CENPP: variants seen among roughly 807,000 people sequenced by gnomAD.
CENPP encodes centromere protein P.
In CENPP, 24 loss-of-function variants were observed where a neutral mutation model predicts 35.6. That is an observed-to-expected ratio of 0.67 (90% CI 0.49 to 0.95). CENPP has a LOEUF of 0.95. Among genes scored for constraint, CENPP ranks in the 40% least tolerant of loss-of-function variants. The pLI, the probability that CENPP is intolerant of heterozygous loss-of-function variation, is 0.00. For missense variants in CENPP, 332 were observed against 345.3 expected (o/e 0.96, Z 0.31); for synonymous variants, 120 against 125.5 (o/e 0.96, Z 0.29).
chr9:92,480,224 A>T (rs533263590), intron 5 of CENPP, among the ~76,000 whole-genome samples: 3 of 152,348 alleles, frequency 2.0e-5, no homozygotes, highest in African/African-American at 7.2e-5. Flanking sequence ...AGTCTCTCTT[A>T]ATCAGAGTAG....
chr9:92,443,632 A>T (rs1213801653), intron 5 of CENPP, among the ~76,000 whole-genome samples: 1 of 151,282 alleles, frequency 6.6e-6, no homozygotes, highest in Non-Finnish European at 1.5e-5. Flanking sequence ...AGATAAAACA[A>T]CAAAGAGGAC....
chr9:92,502,629 T>G (rs1846750798), intron 5 of CENPP: 1 of 1,595,934 alleles, frequency 6.3e-7, no homozygotes, highest in Non-Finnish European at 8.6e-7. Context: ...TTTCTTCAAT[T>G]TGGTTATTTT....
At chr9:92,453,387 A>C (rs1003586700) in intron 5 of CENPP, among the ~76,000 whole-genome samples, 2 of 152,190 alleles carry the variant, frequency 1.3e-5, no homozygotes, top group Non-Finnish European at 2.9e-5. Context: ...CAGGTTGTTC[A>C]GTTTCCATGT....
intron 5 of CENPP, among the ~76,000 whole-genome samples, chr9:92,438,094 C>T (rs1248092349): frequency 6.6e-6 from 1 of 152,240 alleles, no homozygotes; most frequent in East Asian, 1.9e-4. Flanking sequence ...AGATGTCAGC[C>T]ACTGCACTGG....
chr9:92,531,312 T>C (rs1848734275), intron 5 of CENPP, among the ~76,000 whole-genome samples: 1 of 152,182 alleles, frequency 6.6e-6, no homozygotes, highest in Non-Finnish European at 1.5e-5. Context: ...CCTTGACTTA[T>C]CAAAGTCTTA....
At chr9:92,387,127 C>CTT (rs1184008786) in intron 5 of CENPP, among the ~76,000 whole-genome samples, 1 of 147,768 alleles carries the variant, frequency 6.8e-6, no homozygotes, top group Non-Finnish European at 1.5e-5. Flanking sequence ...AATCCCAGTA[C>CTT]TTTGAGAGGT....
rs145295181 is a variant in CENPP, at chr9:92,519,589, G to A, written c.565-91725G>A. Among the ~76,000 whole-genome samples the A allele has an allele frequency of 6.8e-4, 103 of 152,296 alleles. 1 individual carries two copies. Among genetic ancestry groups the A allele is most frequent in the Admixed American group, 1.7e-3 (26 of 15,286 alleles). On this transcript the variant is annotated intron_variant, in intron 5 of 7. Transcript: ENST00000375587. The stretch of plus-strand genomic sequence containing the variant: ...AACAATCTTCAACAACTAGTGCTGG[G>A]ACAACACCAGCAAGAGAATGAAGCT...
At chr9:92,595,360 G>T (rs1348233142) in intron 5 of CENPP, among the ~76,000 whole-genome samples, 2 of 152,044 alleles carry the variant, frequency 1.3e-5, no homozygotes, top group Non-Finnish European at 2.9e-5. Context: ...TCCCACCTCA[G>T]CCTCCCATGT....
intron 5 of CENPP, chr9:92,470,634 C>A (rs1284029651): frequency 8.7e-7 from 1 of 1,151,782 alleles, no homozygotes; most frequent in Non-Finnish European, 1.2e-6. Flanking sequence ...AGAGTTTTCA[C>A]TTAAATCTTT....
intron 5 of CENPP, among the ~76,000 whole-genome samples, chr9:92,603,453 G>A (rs988701038): frequency 2.0e-5 from 3 of 152,168 alleles, no homozygotes; most frequent in Non-Finnish European, 4.4e-5. Context: ...TCTCTCAGAA[G>A]TCTTGTGCGT....
intron 5 of CENPP, among the ~76,000 whole-genome samples, chr9:92,408,342 C>A (rs748061853): frequency 6.6e-6 from 1 of 152,136 alleles, no homozygotes; most frequent in East Asian, 1.9e-4. Context: ...TGCGCCACCA[C>A]GCCCAGCTAA....
chr9:92,533,328 A>AATATATATATATATATATATATAT (rs202147064), intron 5 of CENPP, among the ~76,000 whole-genome samples: 1 of 38,336 alleles, frequency 2.6e-5, no homozygotes, highest in African/African-American at 1.5e-4. Context: ...AAAAAAAAAA[A>AATATATATATATATATATATATAT]ATATATATAT....
intron 5 of CENPP, among the ~76,000 whole-genome samples, chr9:92,418,372 C>T (rs1179863692): frequency 1.3e-5 from 2 of 152,050 alleles, no homozygotes; most frequent in Non-Finnish European, 2.9e-5. Context: ...CAGGCGTGAG[C>T]CACTGCGCCT....
chr9:92,374,426 G>A (rs1842081030), intron 4 of CENPP, among the ~76,000 whole-genome samples: 1 of 152,030 alleles, frequency 6.6e-6, no homozygotes, highest in East Asian at 1.9e-4. Flanking sequence ...GGCTGGTCTC[G>A]AACTCCCAAA....
chr9:92,549,842 C>T (rs369462483), intron 5 of CENPP, among the ~76,000 whole-genome samples: 10 of 152,116 alleles, frequency 6.6e-5, no homozygotes, highest in African/African-American at 2.2e-4. Context: ...TCTCTTACTC[C>T]CTGAGCAAAG....
At chr9:92,520,728 A>G (rs755407370) in intron 5 of CENPP, among the ~76,000 whole-genome samples, 1 of 152,232 alleles carries the variant, frequency 6.6e-6, no homozygotes, top group Admixed American at 6.5e-5. Flanking sequence ...CTGGTAGACA[A>G]TATGGATAAA....
At chr9:92,540,598 C>T (rs1849295071) in intron 5 of CENPP, among the ~76,000 whole-genome samples, 1 of 151,150 alleles carries the variant, frequency 6.6e-6, no homozygotes, top group African/African-American at 2.4e-5. Context: ...TAGTGAAACC[C>T]CGTCTCTACT....
At chr9:92,383,369 C>T (rs1842310385) in intron 5 of CENPP, among the ~76,000 whole-genome samples, 1 of 152,128 alleles carries the variant, frequency 6.6e-6, no homozygotes. Context: ...TGTGTTCAGT[C>T]TGCATATCAT....
At chr9:92,415,432 T>G (rs1426091535) in intron 5 of CENPP, 1 of 1,613,176 alleles carries the variant, frequency 6.2e-7, no homozygotes, top group Non-Finnish European at 8.5e-7. Flanking sequence ...TAAATGGTGG[T>G]AATGTAGTGG....
Sources: gnomAD v4.1 joint callset for allele counts (sites outside exome capture counted in the v4.1 genomes callset) on GRCh38, gnomAD v4.1.1 for gene constraint, MANE v1.5 for transcripts, NCBI Gene and HGNC (gene_info 2026-07-23, HGNC 2026-07-21) for gene names.